Variants in PPP3CA observed in about 807,000 individuals in gnomAD.
PPP3CA encodes the protein CAM-PRP catalytic subunit.
In PPP3CA, 14 loss-of-function variants were observed where a neutral mutation model predicts 66.5. The observed-to-expected ratio is 0.21, with a 90% CI of 0.14 to 0.33. The LOEUF (loss-of-function observed/expected upper bound fraction) is 0.33. Among genes scored for constraint, PPP3CA ranks in the 10% least tolerant of loss-of-function variants. PPP3CA has a pLI of 1.00. For synonymous variants in PPP3CA, 232 were observed against 226.2 expected, an observed-to-expected ratio of 1.03 and a Z score of -0.23; for missense variants, 317 against 639.5, an observed-to-expected ratio of 0.50 and a Z score of 5.44.
intron 1 of PPP3CA, among the ~76,000 whole-genome samples, chr4:101,197,597 G>A (rs1724840496): frequency 6.6e-6 from 1 of 152,116 alleles, no homozygotes; most frequent in Non-Finnish European, 1.5e-5. Flanking sequence ...TCTGAGGATT[G>A]TTATACTAAC....
chr4:101,040,291 GA>G (rs1461196141), intron 11 of PPP3CA, among the ~76,000 whole-genome samples, 190 bp downstream of exon 11: 2 of 152,128 alleles, frequency 1.3e-5, no homozygotes, highest in African/African-American at 4.8e-5. Flanking sequence ...TAATTTAGTA[GA>G]TTGCAATTTA....
intron 1 of PPP3CA, among the ~76,000 whole-genome samples, chr4:101,207,699 G>A (rs573499978): frequency 9.2e-5 from 14 of 152,196 alleles, no homozygotes; most frequent in South Asian, 2.1e-4. Context: ...GCTGGCAGGC[G>A]CCTGTAATCC....
At chr4:101,330,560 C>A (rs1348987208) in intron 1 of PPP3CA, 2 of 404,534 alleles carry the variant, frequency 4.9e-6, no homozygotes, top group African/African-American at 2.1e-5. Context: ...TAACAGACTA[C>A]AGTATAGTGT....
At chr4:101,042,601 G>A (rs574225828) in intron 10 of PPP3CA, among the ~76,000 whole-genome samples, 5 of 152,024 alleles carry the variant, frequency 3.3e-5, no homozygotes, top group South Asian at 4.2e-4. Flanking sequence ...TTAGTCTCTC[G>A]GTCAGAACAC....
chr4:101,167,524 C>G (rs1381663854), intron 2 of PPP3CA, among the ~76,000 whole-genome samples: 7 of 152,146 alleles, frequency 4.6e-5, no homozygotes, highest in African/African-American at 1.7e-4. Flanking sequence ...CATCTCTCCC[C>G]TCCTTCAGTG....
intron 2 of PPP3CA, among the ~76,000 whole-genome samples, chr4:101,170,745 A>C (rs1172101278): frequency 2.0e-5 from 3 of 152,130 alleles, no homozygotes. Context: ...CCTTCACTCA[A>C]AAATTCTTGC....
At chr4:101,325,968 A>C (rs980156367) in intron 1 of PPP3CA, among the ~76,000 whole-genome samples, 4 of 152,086 alleles carry the variant, frequency 2.6e-5, no homozygotes, top group Non-Finnish European at 5.9e-5. Flanking sequence ...GCAAAACCCT[A>C]TCTCTAATAA....
chr4:101,130,563 C>A (rs541363176), intron 2 of PPP3CA, among the ~76,000 whole-genome samples: 13 of 152,278 alleles, frequency 8.5e-5, no homozygotes, highest in Non-Finnish European at 1.6e-4. Flanking sequence ...TCTGCAGAAA[C>A]CCTACAAGCC....
chr4:101,313,102 A>T (rs1406668221), intron 1 of PPP3CA, among the ~76,000 whole-genome samples: 1 of 152,186 alleles, frequency 6.6e-6, no homozygotes, highest in Non-Finnish European at 1.5e-5. Flanking sequence ...ACTTATTACT[A>T]AAGATCCTAT....
At chr4:101,237,182 A>T (rs1432425736) in intron 1 of PPP3CA, among the ~76,000 whole-genome samples, 1 of 145,944 alleles carries the variant, frequency 6.9e-6, no homozygotes, top group Non-Finnish European at 1.5e-5. Flanking sequence ...TATTTAGAAA[A>T]TACAATTTCT....
intron 11 of PPP3CA, among the ~76,000 whole-genome samples, chr4:101,033,344 G>T (rs1161733670): frequency 6.7e-6 from 1 of 149,226 alleles, no homozygotes; most frequent in Non-Finnish European, 1.5e-5. Flanking sequence ...AGAGAGTTTA[G>T]TATGTAGAAT....
At chr4:101,235,637 T>C (rs1726103619) in intron 1 of PPP3CA, among the ~76,000 whole-genome samples, 1 of 151,864 alleles carries the variant, frequency 6.6e-6, no homozygotes, top group Admixed American at 6.6e-5. Flanking sequence ...AGGCATAAAG[T>C]AGATGCTCAG....
chr4:101,293,370 G>A (rs536406416), intron 1 of PPP3CA, among the ~76,000 whole-genome samples: 3 of 152,266 alleles, frequency 2.0e-5, no homozygotes, highest in Admixed American at 1.3e-4. Flanking sequence ...AATAAGACAC[G>A]CTCAGGAACT....
intron 1 of PPP3CA, among the ~76,000 whole-genome samples, chr4:101,258,870 A>G (rs1726924306): frequency 6.6e-6 from 1 of 152,084 alleles, no homozygotes; most frequent in Non-Finnish European, 1.5e-5. Flanking sequence ...AGCCCAACAA[A>G]CCACACTCCA....
chr4:101,179,005 T>C (rs952260915), intron 2 of PPP3CA, among the ~76,000 whole-genome samples: 10 of 152,132 alleles, frequency 6.6e-5, no homozygotes, highest in Admixed American at 2.0e-4. Flanking sequence ...ATTTTGTCTG[T>C]GGAACCTAAG....
At chr4:101,169,748 T>TC (rs1723813392) in intron 2 of PPP3CA, among the ~76,000 whole-genome samples, 1 of 150,484 alleles carries the variant, frequency 6.6e-6, no homozygotes, top group Non-Finnish European at 1.5e-5. Flanking sequence ...TTTTTTTTTT[T>TC]ACTGCTGACT....
intron 5 of PPP3CA, among the ~76,000 whole-genome samples, 193 bp downstream of exon 5, chr4:101,098,174 G>T (rs997241300): frequency 6.6e-6 from 1 of 152,090 alleles, no homozygotes; most frequent in Non-Finnish European, 1.5e-5. Context: ...AGGTTGTAGA[G>T]ATAAAAATTC....
intron 10 of PPP3CA, among the ~76,000 whole-genome samples, chr4:101,041,293 A>G (rs944200752): frequency 6.6e-6 from 1 of 152,124 alleles, no homozygotes. Flanking sequence ...AATTAATTAC[A>G]TAGATTATTG....
intron 10 of PPP3CA, among the ~76,000 whole-genome samples, chr4:101,053,316 G>C (rs1728090379): frequency 6.6e-6 from 1 of 152,056 alleles, no homozygotes; most frequent in Non-Finnish European, 1.5e-5. Context: ...ATTCTGGCCA[G>C]ACTTATATCT....
Sources: allele counts gnomAD v4.1 joint callset (sites outside exome capture counted in the v4.1 genomes callset), GRCh38; gene constraint gnomAD v4.1.1; transcripts MANE v1.5; gene names NCBI Gene and HGNC (gene_info 2026-07-23, HGNC 2026-07-21).